NOXA1: variants seen among roughly 807,000 people sequenced by gnomAD.
NOXA1 encodes NADPH oxidase activator 1.
In NOXA1, 56 loss-of-function variants were observed where a neutral mutation model predicts 64.8. The ratio of observed to expected loss-of-function variants is 0.86; its 90% CI spans 0.70 to 1.08. NOXA1 has a LOEUF of 1.08. NOXA1 is among the 50% of genes least tolerant of loss of function. The probability of loss-of-function intolerance (pLI) is 0.00; values close to 1 mark genes in which losing one functional copy is unlikely to be tolerated. For synonymous variants in NOXA1, 295 were observed against 294.8 expected (o/e 1.00, Z -0.01); for missense variants, 668 against 658.5 (o/e 1.01, Z -0.16).
At chr9:137,430,640 G>A in intron 5 of NOXA1, 144 bp from the exon 6 acceptor site, 1 of 607,354 alleles carries the variant, frequency 1.6e-6, no homozygotes. Flanking sequence ...CTCCATGGTG[G>A]TCTGGCAGAC....
At position 137,433,783 on chromosome 9, in the gene NOXA1, C is replaced by T; in HGVS notation, c.1098C>T (p.Val366=). The change falls in exon 12 of 14, where the codon GTC becomes GTT. Residue 366 remains valine (V), a synonymous_variant. Transcript: ENST00000683555. ...YLAPGEDGHW[V]PIPEEESLQR... is the part of the protein sequence containing the mutation. ...CCCCAGGTGAGGACGGGCACTGGGT[C>T]CCCATCCCCGAGGAGGAGTCGCTGC... 1.4e-6 allele frequency: 2 copies of T among 1,455,134 alleles called. No individual in the cohort carries two copies. Among genetic ancestry groups the T allele is most frequent in the South Asian group, 1.5e-5 (1 of 68,912 alleles). The allele number at this position is 1,455,134 out of a possible 1,614,324, so 90.1% of individuals were successfully genotyped here.
In NOXA1 at chr9:137,433,998, G is replaced by A; in HGVS notation, c.1213G>A (p.Val405Met). The change falls in exon 13 of 14, where the codon GTG (valine) becomes ATG (methionine). Residue 405 changes from valine to methionine, a missense_variant. Physicochemically the swap from Val to Met is conservative, Grantham distance 21 (BLOSUM62 1). Coordinates refer to ENST00000683555, the MANE Select transcript of NOXA1 (RefSeq NM_001256067.2). Reference protein sequence around the residue: ...AGGRPVLYQVVAQHSYSAQGP... With the variant: ...AGGRPVLYQVMAQHSYSAQGP... ...GGGTCGGCCGGTCCTCTACCAGGTG[G>A]TGGCCCAGCACAGCTACTCCGCCCA... 6.4e-7 allele frequency: 1 copy of A among 1,564,200 alleles called. No individual in the cohort carries two copies. Among genetic ancestry groups the A allele is most frequent in the East Asian group, 2.3e-5 (1 of 42,822 alleles).
intron 6 of NOXA1, 27 bp downstream of exon 6, chr9:137,430,870 G>A: frequency 6.4e-7 from 1 of 1,565,670 alleles, no homozygotes; most frequent in Non-Finnish European, 8.6e-7. Context: ...TCAGACCCCT[G>A]CCTGGCCTCA....
In NOXA1 at chr9:137,430,822, C is replaced by T. The variant is rs377319607; in HGVS notation, c.651C>T (p.Gly217=). The T allele has an allele frequency of 7.2e-5, 115 of 1,590,418 alleles. 2 individuals are homozygous for T. The East Asian group carries it at 8.5e-4, about 12-fold the overall frequency. Residue 217 remains glycine, a synonymous_variant, in exon 6 of 14, where the codon GGC becomes GGT. Coordinates refer to ENST00000683555, the MANE Select transcript of NOXA1 (RefSeq NM_001256067.2). ...ASAIPDDQGW[G]VRPQQPQGPG... ...CCATCCCCGACGACCAGGGCTGGGG[C>T]GTCCGCCCTCAGCAGCCACAGGTGG...
In NOXA1 at chr9:137,423,518, C is replaced by T. The variant is rs1838664820; in HGVS notation, c.-12C>T. 2 of 1,346,394 alleles carry T rather than the reference C, an allele frequency of 1.5e-6. No individual in the cohort carries two copies. The highest frequency in any genetic ancestry group is 1.9e-6 in the Non-Finnish European group (2 of 1,049,762). 83.4% of individuals were successfully genotyped at this position (1,346,394 alleles called of 1,614,324 possible). On this transcript the variant is annotated 5_prime_UTR_variant, in exon 1 of 14. Coordinates refer to ENST00000683555, the MANE Select transcript of NOXA1 (RefSeq NM_001256067.2). ...GATCCTGGCCCCTCCTCGAGCGCCG[C>T]CACCGGCCGCCATGGCCTCTCTGGG... is the stretch of plus-strand genomic sequence containing the variant.
At position 137,429,270 on chromosome 9, in the gene NOXA1, C is replaced by T. The variant is rs779230361; in HGVS notation, c.505-6C>T. On this transcript the variant is annotated splice_polypyrimidine_tract_variant and splice_region_variant and intron_variant, in intron 4 of 13. Coordinates refer to ENST00000683555, the MANE Select transcript of NOXA1 (RefSeq NM_001256067.2). ...TCTGCATCTGCTGGATACCCACCCC[C>T]TCCAGAGACGGGGCTCACTGCCGCC... The T allele has an allele frequency of 3.9e-6, 6 of 1,538,444 alleles. No homozygotes were observed. Among genetic ancestry groups the T allele is most frequent in the Middle Eastern group, 1.8e-4 (1 of 5,634 alleles).
intron 2 of NOXA1, among the ~76,000 whole-genome samples, chr9:137,427,477 C>T (rs941601442): frequency 3.9e-5 from 6 of 152,218 alleles, no homozygotes; most frequent in African/African-American, 1.2e-4. Flanking sequence ...GGCAGATGAA[C>T]GAAAAAGCCA....
At position 137,433,626 on chromosome 9, in the gene NOXA1, G is replaced by A. The variant is rs764255923; in HGVS notation, c.1064+19G>A. On this transcript the variant is annotated intron_variant, in intron 11 of 13. Transcript: ENST00000683555. ...AACTCAGGTGGGCCAGAAAGCCCCC[G>A]GTGGCTGCGGTGGAGCTGGGCACCG... The A allele has an allele frequency of 1.8e-5, 27 of 1,533,276 alleles. No homozygotes were observed. Among genetic ancestry groups the A allele is most frequent in the Admixed American group, 7.9e-5 (4 of 50,686 alleles). The allele number at this position is 1,533,276 out of a possible 1,614,324, so 95.0% of individuals were successfully genotyped here.
In NOXA1 at chr9:137,433,482, G is replaced by C. The variant is rs1330421212; in HGVS notation, c.939G>C (p.Leu313=). The stretch of plus-strand genomic sequence containing the variant: ...CAGGTGCAGGGGGCTCCGAGCCCCT[G>C]GTGACTGTCACCGTGCAGTGCGCCT... ...GGAGAGGSEP[L]VTVTVQCAFT... Residue 313 remains leucine (L), a synonymous_variant, in exon 11 of 14, where the codon CTG becomes CTC. Transcript: ENST00000683555. 1.2e-5 allele frequency: 19 copies of C among 1,603,754 alleles called. No individual in the cohort carries two copies. The highest frequency in any genetic ancestry group is 1.5e-5 in the Non-Finnish European group (18 of 1,178,768).
At position 137,423,647 on chromosome 9, in the gene NOXA1, C is replaced by G; in HGVS notation, c.118C>G (p.Leu40Val). The G allele has an allele frequency of 1.4e-6, 2 of 1,425,312 alleles. No individual in the cohort carries two copies. Among genetic ancestry groups the G allele is most frequent in the Non-Finnish European group, 1.8e-6 (2 of 1,086,500 alleles). The allele number at this position is 1,425,312 out of a possible 1,614,324, so 88.3% of individuals were successfully genotyped here. ...GGGCGTCCCGGCGCCGCCCGCCAGG[C>G]TGTGCTTCAACGCGGGCTGCGTGCA... Reference protein sequence around the residue: ...FSGVPAPPARLCFNAGCVHLL... With the variant: ...FSGVPAPPARVCFNAGCVHLL... Residue 40 changes from leucine to valine, a missense_variant, in exon 1 of 14, where the codon CTG becomes GTG. Physicochemically the swap from Leu to Val is conservative, Grantham distance 32. Coordinates refer to ENST00000683555, the MANE Select transcript of NOXA1 (RefSeq NM_001256067.2).
chr9:137,423,843 C>T, intron 1 of NOXA1, 137 bp downstream of exon 1: 2 of 730,878 alleles, frequency 2.7e-6, no homozygotes, highest in South Asian at 6.8e-5. Context: ...AGGTGGGAGC[C>T]GAGCAGGGGG....
At chr9:137,432,025 C>T (rs1247885955) in intron 8 of NOXA1, among the ~76,000 whole-genome samples, 1 of 152,202 alleles carries the variant, frequency 6.6e-6, no homozygotes, top group Non-Finnish European at 1.5e-5. Context: ...TCACTAATTC[C>T]CTCAGGGTTT....
In NOXA1 at chr9:137,428,901, C is replaced by T. The variant is rs775727901; in HGVS notation, c.389C>T (p.Ser130Leu). ...QAWEVLHNVASAQCQLGLWTE... is the reference protein window; with the variant it reads ...QAWEVLHNVALAQCQLGLWTE... ...TCCCAGGTGCTACACAATGTGGCGT[C>T]GGCACAGTGCCAGCTGGGGCTCTGG... Residue 130 changes from serine (S) to leucine (L), a missense_variant, in exon 4 of 14, where the codon TCG becomes TTG. By Grantham distance (145) the Ser-to-Leu change is moderately radical (BLOSUM62 -2). Coordinates refer to ENST00000683555, the MANE Select transcript of NOXA1 (RefSeq NM_001256067.2). 8.2e-6 allele frequency: 13 copies of T among 1,589,062 alleles called. No homozygotes were observed. Among genetic ancestry groups the T allele is most frequent in the Non-Finnish European group, 1.1e-5 (13 of 1,169,216 alleles).
Position 137,433,078 on chromosome 9 carries a change from T to G in NOXA1, c.850+4T>G, listed in dbSNP as rs753510702. ...AAACAGGCTCCTCTCTCCCCAGGTA[T>G]GGGCGTCCTCAGCGGCGGGGTCCCC... On this transcript the variant is annotated splice_donor_region_variant and intron_variant, in intron 9 of 13. Transcript: ENST00000683555. 1 of 1,612,828 alleles carries G rather than the reference T, an allele frequency of 6.2e-7. No individual in the cohort carries two copies. The highest frequency in any genetic ancestry group is 8.5e-7 in the Non-Finnish European group (1 of 1,179,882).
Position 137,433,504 on chromosome 9 carries a change from G to C in NOXA1, c.961G>C (p.Ala321Pro). Reference protein sequence around the residue: ...EPLVTVTVQCAFTVALRARRG... With the variant: ...EPLVTVTVQCPFTVALRARRG... ...CCTGGTGACTGTCACCGTGCAGTGC[G>C]CCTTCACAGTGGCCCTGAGGGCACG... Residue 321 changes from alanine (A) to proline (P), a missense_variant, in exon 11 of 14, where the codon GCC becomes CCC. Ala to Pro is a conservative substitution (Grantham distance 27). Coordinates refer to ENST00000683555, the MANE Select transcript of NOXA1 (RefSeq NM_001256067.2). The C allele has an allele frequency of 6.2e-7, 1 of 1,603,528 alleles. No homozygotes were observed. The highest frequency in any genetic ancestry group is 1.1e-5 in the South Asian group (1 of 89,958).
chr9:137,433,717 C>A, intron 11 of NOXA1, 33 bp from the exon 12 acceptor site: 1 of 1,471,390 alleles, frequency 6.8e-7, no homozygotes, highest in Non-Finnish European at 9.1e-7. Flanking sequence ...CAGGCCCCAC[C>A]CAGGAGGCCC....
intron 3 of NOXA1, 149 bp from the exon 4 acceptor site, chr9:137,428,733 A>T: frequency 4.0e-5 from 9 of 227,568 alleles, no homozygotes; most frequent in Non-Finnish European, 6.3e-5. Context: ...ACTGGGGGAG[A>T]GGCTGGGTGG....
chr9:137,428,742 G>C, intron 3 of NOXA1, 140 bp from the exon 4 acceptor site: 1 of 722,374 alleles, frequency 1.4e-6, no homozygotes, highest in Non-Finnish European at 2.1e-6. Flanking sequence ...GAGGCTGGGT[G>C]GGGGGATGGG....
In NOXA1 at chr9:137,431,066, T is replaced by C. The variant is rs748585096; in HGVS notation, c.673-9T>C. The stretch of plus-strand genomic sequence containing the variant: ...TAACCAGAGCGAGGTTGTTGCTTTG[T>C]GTCCACAGGGACCAGGAGCGAACCA... On this transcript the variant is annotated splice_polypyrimidine_tract_variant and intron_variant, in intron 6 of 13. Coordinates refer to ENST00000683555, the MANE Select transcript of NOXA1 (RefSeq NM_001256067.2). The surrounding 1 kb of genome is among the most constrained non-coding windows in gnomAD (Gnocchi z 5.6). The C allele has an allele frequency of 6.2e-7, 1 of 1,613,302 alleles. No homozygotes were observed. Among genetic ancestry groups the C allele is most frequent in the Admixed American group, 1.7e-5 (1 of 60,024 alleles).
Sources: allele counts gnomAD v4.1 joint callset (sites outside exome capture counted in the v4.1 genomes callset), GRCh38; gene constraint gnomAD v4.1.1; non-coding constraint Gnocchi (gnomAD v3.1); transcripts MANE v1.5; gene names NCBI Gene and HGNC (gene_info 2026-07-23, HGNC 2026-07-21).